The following OXCT1 variants were observed in gnomAD, a reference collection of about 807,000 sequenced individuals.
OXCT1 encodes the protein 3-oxoacid CoA-transferase 1, also known as succinyl-CoA:3-ketoacid coenzyme A transferase 1, mitochondrial.
OXCT1 carries 27 observed loss-of-function variants against 69.6 expected under a neutral mutation model. The ratio of observed to expected loss-of-function variants is 0.39; its 90% CI spans 0.29 to 0.54. The LOEUF (loss-of-function observed/expected upper bound fraction) is 0.54. Among genes scored for constraint, OXCT1 ranks in the 20% least tolerant of loss-of-function variants. OXCT1 has a pLI of 0.72. For missense variants in OXCT1, 437 were observed against 650.2 expected, an observed-to-expected ratio of 0.67 and a Z score of 3.57; for synonymous variants, 202 against 217.8, an observed-to-expected ratio of 0.93 and a Z score of 0.64.
chr5:41,763,922 T>A (rs1377537071), intron 13 of OXCT1, among the ~76,000 whole-genome samples: 1 of 152,174 alleles, frequency 6.6e-6, no homozygotes, highest in African/African-American at 2.4e-5. Flanking sequence ...GATTTATACA[T>A]TTTAAATTAC....
chr5:41,837,645 A>C (rs887104419), intron 7 of OXCT1, among the ~76,000 whole-genome samples: 4 of 150,406 alleles, frequency 2.7e-5, no homozygotes, highest in African/African-American at 7.4e-5. Context: ...AAAAAAAAAA[A>C]CTCCTTATTT....
At chr5:41,781,207 G>C (rs927737913) in intron 13 of OXCT1, among the ~76,000 whole-genome samples, 1 of 151,942 alleles carries the variant, frequency 6.6e-6, no homozygotes, top group East Asian at 1.9e-4. Flanking sequence ...CCGGCTTACT[G>C]TCTCCCATAT....
intron 13 of OXCT1, among the ~76,000 whole-genome samples, chr5:41,788,158 A>G (rs539112764): frequency 6.6e-6 from 1 of 152,218 alleles, no homozygotes; most frequent in South Asian, 2.1e-4. Flanking sequence ...TAATTCTTAC[A>G]TTATATATAA....
chr5:41,836,640 T>TTC (rs1230057711), intron 7 of OXCT1, among the ~76,000 whole-genome samples: 2 of 152,120 alleles, frequency 1.3e-5, no homozygotes, highest in African/African-American at 4.8e-5. Context: ...GTTAGTTAGA[T>TTC]TCTCATAAGG....
chr5:41,847,517 T>C (rs1347600280), intron 5 of OXCT1, among the ~76,000 whole-genome samples: 8 of 151,946 alleles, frequency 5.3e-5, no homozygotes, highest in African/African-American at 1.9e-4. Context: ...TGAACATTGA[T>C]GCAAAAATCC....
rs1579682153 is a variant in OXCT1 at position 41,762,789 on chromosome 5, A to G, written c.1249-589T>C. Among the ~76,000 whole-genome samples the G allele has an allele frequency of 6.6e-6, 1 of 152,148 alleles. No individual in the cohort carries two copies. On this transcript the variant is annotated intron_variant, in intron 13 of 16. Coordinates refer to ENST00000196371, the MANE Select transcript of OXCT1 (RefSeq NM_000436.4). This position sits in a 1 kb window ranked among gnomAD's most constrained non-coding sequence, Gnocchi z 4.0. The stretch of plus-strand genomic sequence containing the variant: ...CTTGCTAAGCAAAAACAGAACACAG[A>G]AACAGAGTTCAGGATCATTTCACCA...
At chr5:41,822,018 C>T (rs961298435) in intron 7 of OXCT1, among the ~76,000 whole-genome samples, 3 of 152,092 alleles carry the variant, frequency 2.0e-5, no homozygotes, top group Non-Finnish European at 2.9e-5. Context: ...TTCTTATTTC[C>T]GATGAGTTTT....
At chr5:41,859,758 C>A (rs1749628442) in intron 3 of OXCT1, among the ~76,000 whole-genome samples, 1 of 151,368 alleles carries the variant, frequency 6.6e-6, no homozygotes, top group Admixed American at 6.6e-5. Context: ...AGAGGGGTCA[C>A]TGCCTTTATC....
chr5:41,857,021 A>C (rs536202747), intron 3 of OXCT1, among the ~76,000 whole-genome samples: 4 of 152,264 alleles, frequency 2.6e-5, no homozygotes, highest in Non-Finnish European at 5.9e-5. Flanking sequence ...CTCACCTTAC[A>C]GATCCTCAGC....
chr5:41,796,315 G>A (rs1168585850), intron 11 of OXCT1, among the ~76,000 whole-genome samples: 2 of 152,196 alleles, frequency 1.3e-5, no homozygotes, highest in African/African-American at 2.4e-5. Flanking sequence ...CCAGGAAGGT[G>A]CTCACATACC....
intron 15 of OXCT1, among the ~76,000 whole-genome samples, chr5:41,748,233 G>A (rs1743602323): frequency 6.6e-6 from 1 of 151,920 alleles, no homozygotes; most frequent in Admixed American, 6.6e-5. Flanking sequence ...TTAAAGGACA[G>A]GTAGTATTTG....
At chr5:41,795,330 A>G (rs10078011) in intron 11 of OXCT1, among the ~76,000 whole-genome samples, 19,890 of 152,206 alleles carry the variant, frequency 0.13, 2,553 homozygotes, top group African/African-American at 0.33. Flanking sequence ...GTACTGGTCC[A>G]CAGCCCAGGG....
rs1379429097 is a variant in OXCT1, at chr5:41,867,033, TGTAA to T, written c.78+3244_78+3247del. 3.9e-5 allele frequency among the ~76,000 whole-genome samples: 6 copies of T among 152,364 alleles called. No homozygotes were observed. The East Asian group carries it at 1.2e-3, about 29-fold the overall frequency. On this transcript the variant is annotated intron_variant, in intron 1 of 16. Transcript: ENST00000196371. ...GCTGGAGAAGCAGACTGAGGCAGTT[TGTAA>T]AAAGCCTTACAGACCACACTGCAGA...
intron 4 of OXCT1, 46 bp downstream of exon 4, chr5:41,853,373 T>A: frequency 3.8e-6 from 6 of 1,573,274 alleles, no homozygotes; most frequent in Non-Finnish European, 5.2e-6. Context: ...AAAAAAGGAA[T>A]TTTTAAAGTA....
chr5:41,760,319 G>A (rs1261931079), intron 14 of OXCT1, among the ~76,000 whole-genome samples: 1 of 152,060 alleles, frequency 6.6e-6, no homozygotes, highest in Non-Finnish European at 1.5e-5. Flanking sequence ...TTGTTGAAAT[G>A]AAACTATCTA....
At chr5:41,757,818 T>G (rs1744158448) in intron 14 of OXCT1, among the ~76,000 whole-genome samples, 1 of 152,110 alleles carries the variant, frequency 6.6e-6, no homozygotes, top group Non-Finnish European at 1.5e-5. Context: ...TGCCTTTCTG[T>G]AGATCTTAGT....
At chr5:41,814,161 C>T (rs926292229) in intron 7 of OXCT1, among the ~76,000 whole-genome samples, 21 of 151,606 alleles carry the variant, frequency 1.4e-4, no homozygotes, top group Non-Finnish European at 2.2e-4. Context: ...CTAAACAGCA[C>T]ATTTATCAAA....
intron 13 of OXCT1, among the ~76,000 whole-genome samples, chr5:41,775,192 T>A (rs1474559522): frequency 6.6e-6 from 1 of 152,094 alleles, no homozygotes; most frequent in East Asian, 1.9e-4. Flanking sequence ...TACCTGGAAT[T>A]AGCACAGGAC....
At position 41,763,353 on chromosome 5, in the gene OXCT1, A is replaced by G. The variant is rs191275905; in HGVS notation, c.1249-1153T>C. ...ATGAGGGTGGCAGGGGAGAGAATGCAGAGTACAAAATGAGCCTGGTTTCAG... is the reference window on the plus strand; with the variant it reads ...ATGAGGGTGGCAGGGGAGAGAATGCGGAGTACAAAATGAGCCTGGTTTCAG... On this transcript the variant is annotated intron_variant, in intron 13 of 16. Transcript: ENST00000196371. Among the ~76,000 whole-genome samples, 64 of 152,254 alleles carry G rather than the reference A, an allele frequency of 4.2e-4. 1 individual carries two copies. The highest frequency in any genetic ancestry group is 3.9e-3 in the Admixed American group (60 of 15,264).
Sources: gnomAD v4.1 joint callset for allele counts (sites outside exome capture counted in the v4.1 genomes callset) on GRCh38, gnomAD v4.1.1 for gene constraint, Gnocchi (gnomAD v3.1) non-coding constraint, MANE v1.5 for transcripts, NCBI Gene and HGNC (gene_info 2026-07-23, HGNC 2026-07-21) for gene names.